Variants in RNF150 observed in about 807,000 individuals in gnomAD.
RNF150 encodes ring finger protein 150.
A neutral mutation model predicts 39.3 loss-of-function variants in RNF150; 24 were observed. The ratio of observed to expected loss-of-function variants is 0.61; its 90% CI spans 0.44 to 0.86. The LOEUF (loss-of-function observed/expected upper bound fraction) is 0.86, where lower values mean the gene tolerates loss of function less well. Among genes scored for constraint, RNF150 ranks in the 40% least tolerant of loss-of-function variants. RNF150 has a pLI of 0.00. For missense variants in RNF150, 502 were observed against 587.8 expected (o/e 0.85, Z 1.51); for synonymous variants, 255 against 227.3 (o/e 1.12, Z -1.10).
intron 1 of RNF150, among the ~76,000 whole-genome samples, chr4:141,203,572 C>A (rs1485715111): frequency 6.6e-6 from 1 of 151,890 alleles, no homozygotes; most frequent in Non-Finnish European, 1.5e-5. Flanking sequence ...TTACTAGATA[C>A]CCCAAAGGCA....
intron 1 of RNF150, among the ~76,000 whole-genome samples, chr4:141,087,513 A>G (rs1156380293): frequency 2.8e-5 from 2 of 70,272 alleles, no homozygotes; most frequent in Non-Finnish European, 6.6e-5. Flanking sequence ...CTTTCTATCT[A>G]CCTTTTCTTT....
chr4:140,989,620 C>T (rs899187751), intron 1 of RNF150, among the ~76,000 whole-genome samples: 1 of 152,104 alleles, frequency 6.6e-6, no homozygotes, highest in African/African-American at 2.4e-5. Flanking sequence ...ACTAAGCTTC[C>T]AGAAAGAGGC....
At chr4:141,021,581 T>C (rs1417082379) in intron 1 of RNF150, among the ~76,000 whole-genome samples, 5 of 152,176 alleles carry the variant, frequency 3.3e-5, no homozygotes, top group Non-Finnish European at 5.9e-5. Flanking sequence ...TGAAGGTATA[T>C]GGGTAATCTC....
rs374699294 is a variant in RNF150 at position 141,101,631 on chromosome 4, G to A, written c.484+30694C>T. ...TTATTATTATGTACTGTACATAATT[G>A]TATGTGCTACACTTTTACAGGATTG... On this transcript the variant is annotated intron_variant, in intron 1 of 6. Coordinates refer to ENST00000515673, the MANE Select transcript of RNF150 (RefSeq NM_020724.2). 2.7e-3 allele frequency among the ~76,000 whole-genome samples: 407 copies of A among 152,154 alleles called. 1 individual carries two copies. The highest frequency in any genetic ancestry group is 9.5e-3 in the African/African-American group (396 of 41,530).
At position 140,951,010 on chromosome 4, in the gene RNF150, G is replaced by C. The variant is rs561495885; in HGVS notation, c.736-1638C>G. 5.9e-5 allele frequency among the ~76,000 whole-genome samples: 9 copies of C among 152,210 alleles called. No homozygotes were observed. In the South Asian group the frequency reaches 1.5e-3, roughly 25 times the overall value. ...GAAAAACAGGAGAGCGAGAGAAAAAGAACTGAACTGAGGTGAACTAAACAT... is the reference window on the plus strand; with the variant it reads ...GAAAAACAGGAGAGCGAGAGAAAAACAACTGAACTGAGGTGAACTAAACAT... On this transcript the variant is annotated intron_variant, in intron 2 of 6. Transcript: ENST00000515673.
At chr4:141,165,751 G>A (rs994434296) in intron 1 of RNF150, among the ~76,000 whole-genome samples, 2 of 152,132 alleles carry the variant, frequency 1.3e-5, no homozygotes, top group East Asian at 3.9e-4. Flanking sequence ...GGAAGCCAAT[G>A]AGAACAAAGG....
At chr4:140,962,103 C>T (rs983367395) in intron 2 of RNF150, among the ~76,000 whole-genome samples, 3 of 151,330 alleles carry the variant, frequency 2.0e-5, no homozygotes, top group Admixed American at 6.6e-5. Context: ...TCTACACACA[C>T]GCGCGCACAC....
intron 6 of RNF150, among the ~76,000 whole-genome samples, chr4:140,881,775 G>C (rs188384732): frequency 6.6e-6 from 1 of 152,114 alleles, no homozygotes; most frequent in Non-Finnish European, 1.5e-5. Flanking sequence ...CAGCTACTCA[G>C]GAGGTTGAGG....
intron 1 of RNF150, among the ~76,000 whole-genome samples, chr4:141,021,780 A>T (rs912709615): frequency 6.6e-6 from 1 of 152,216 alleles, no homozygotes. Flanking sequence ...TACAGGTAGA[A>T]GCCCAACATG....
intron 1 of RNF150, among the ~76,000 whole-genome samples, chr4:141,138,870 G>A (rs1727070313): frequency 2.6e-5 from 4 of 152,214 alleles, no homozygotes; most frequent in African/African-American, 9.7e-5. Flanking sequence ...AAGAGTAGGA[G>A]GGAACAGAGT....
At chr4:141,093,780 A>T (rs1738680895) in intron 1 of RNF150, among the ~76,000 whole-genome samples, 1 of 152,238 alleles carries the variant, frequency 6.6e-6, no homozygotes, top group South Asian at 2.1e-4. Flanking sequence ...ACAGAAAAAT[A>T]CAAGCCTGCA....
Position 140,868,034 on chromosome 4 carries a change from G to A in RNF150, c.*227C>T. 1 of 485,454 alleles carries A rather than the reference G, an allele frequency of 2.1e-6. No homozygotes were observed. Among genetic ancestry groups the A allele is most frequent in the Non-Finnish European group, 3.6e-6 (1 of 275,358 alleles). The allele number at this position is 485,454 out of a possible 1,614,324, so 30.1% of individuals were successfully genotyped here. ...TACATGGACATAGGAGTGGAAATCA[G>A]CTTTCAACTTCCCAGCTGCCAAGGC... On this transcript the variant is annotated 3_prime_UTR_variant, in exon 7 of 7. Coordinates refer to ENST00000515673, the MANE Select transcript of RNF150 (RefSeq NM_020724.2).
intron 1 of RNF150, among the ~76,000 whole-genome samples, chr4:141,106,256 C>T (rs933904589): frequency 6.6e-6 from 1 of 152,154 alleles, no homozygotes; most frequent in Non-Finnish European, 1.5e-5. Context: ...TTCTTTCCTC[C>T]CTAATTGATT....
At chr4:140,882,482 T>G (rs1414810094) in intron 6 of RNF150, among the ~76,000 whole-genome samples, 3 of 152,206 alleles carry the variant, frequency 2.0e-5, no homozygotes, top group Non-Finnish European at 4.4e-5. Flanking sequence ...TACTTATGCC[T>G]ATTGTTCTCA....
At chr4:141,163,866 G>A (rs888419585) in intron 1 of RNF150, among the ~76,000 whole-genome samples, 4 of 152,138 alleles carry the variant, frequency 2.6e-5, no homozygotes, top group African/African-American at 9.7e-5. Context: ...GTGCAAAAAT[G>A]CTGAAAATTC....
chr4:141,002,030 T>C (rs1243836380), intron 1 of RNF150, among the ~76,000 whole-genome samples: 1 of 152,160 alleles, frequency 6.6e-6, no homozygotes, highest in Non-Finnish European at 1.5e-5. Flanking sequence ...TGTATATATG[T>C]ATATGTATCT....
chr4:141,175,424 C>T (rs1727792515), intron 1 of RNF150, among the ~76,000 whole-genome samples: 1 of 152,102 alleles, frequency 6.6e-6, no homozygotes, highest in South Asian at 2.1e-4. Flanking sequence ...ATTTTAATGA[C>T]AAGATAATTT....
intron 1 of RNF150, among the ~76,000 whole-genome samples, chr4:141,206,123 TAA>T (rs1410170961): frequency 6.6e-6 from 1 of 152,110 alleles, no homozygotes; most frequent in African/African-American, 2.4e-5. Flanking sequence ...TTCTTTTATT[TAA>T]AAGAGTGTTC....
At chr4:141,019,061 T>TGTGGA (rs1735386876) in intron 1 of RNF150, among the ~76,000 whole-genome samples, 1 of 110,714 alleles carries the variant, frequency 9.0e-6, no homozygotes, top group African/African-American at 3.8e-5. Context: ...TATATATATA[T>TGTGGA]ATATATATAT....
Sources: gnomAD v4.1 joint callset for allele counts (sites outside exome capture counted in the v4.1 genomes callset) on GRCh38, gnomAD v4.1.1 for gene constraint, MANE v1.5 for transcripts, NCBI Gene and HGNC (gene_info 2026-07-23, HGNC 2026-07-21) for gene names.